PHF14: variants seen among roughly 807,000 people sequenced by gnomAD.
PHF14 encodes the protein PHD finger protein 14.
PHF14 carries 55 observed loss-of-function variants against 117.9 expected under a neutral mutation model. The observed-to-expected ratio is 0.47, with a 90% CI of 0.38 to 0.58. PHF14 has a LOEUF of 0.58. Ranked by LOEUF, PHF14 falls within the 20% of genes least tolerant of loss-of-function variation. The probability of loss-of-function intolerance (pLI) is 0.00; values close to 1 mark genes in which losing one functional copy is unlikely to be tolerated. For missense variants in PHF14, 978 were observed against 1,122.2 expected (o/e 0.87, Z 1.84); for synonymous variants, 409 against 368.6 (o/e 1.11, Z -1.26).
In PHF14 at chr7:11,022,921, T is replaced by C. The variant is rs768210462; in HGVS notation, c.1259T>C (p.Ile420Thr). 3.1e-6 allele frequency: 5 copies of C among 1,611,628 alleles called. No homozygotes were observed. The highest frequency in any genetic ancestry group is 3.4e-6 in the Non-Finnish European group (4 of 1,178,394). ...LYVPGVAFGDIDKLRPVTLTE... is the reference protein window; with the variant it reads ...LYVPGVAFGDTDKLRPVTLTE... Reference sequence around the variant, plus strand: ...GTTCCTGGAGTAGCCTTTGGAGATATTGACAAATTACGACCAGTAACACTA... The same window carrying C: ...GTTCCTGGAGTAGCCTTTGGAGATACTGACAAATTACGACCAGTAACACTA... The change falls in exon 6 of 18, where the codon ATT becomes ACT. Residue 420 changes from isoleucine to threonine, a missense_variant. Coordinates refer to ENST00000634607, the MANE Select transcript of PHF14 (RefSeq NM_001007157.2).
chr7:11,057,659 C>T (rs1370190695), intron 14 of PHF14, among the ~76,000 whole-genome samples: 1 of 152,176 alleles, frequency 6.6e-6, no homozygotes, highest in African/African-American at 2.4e-5. Flanking sequence ...CAGGCCTGAG[C>T]CACTGTTCCC....
chr7:11,151,004 G>C (rs1037331232), intron 17 of PHF14, among the ~76,000 whole-genome samples: 1 of 151,948 alleles, frequency 6.6e-6, no homozygotes, highest in Non-Finnish European at 1.5e-5. Context: ...GTCTTAATGG[G>C]TTTTCTGTTT....
intron 16 of PHF14, among the ~76,000 whole-genome samples, chr7:11,093,946 A>C (rs1786746331): frequency 6.6e-6 from 1 of 151,524 alleles, no homozygotes; most frequent in South Asian, 2.1e-4. Flanking sequence ...TTTTCCTCTT[A>C]TGTTTTTTTC....
In PHF14 at chr7:11,043,998, A is replaced by C. The variant is rs1271454891; in HGVS notation, c.2312+1184A>C. Reference sequence around the variant, plus strand: ...TGAGAGTTTCTGCAGCTAAAAAAAAACACACACAAAAAAAGGGAAATCATG... The same window carrying C: ...TGAGAGTTTCTGCAGCTAAAAAAAACCACACACAAAAAAAGGGAAATCATG... On this transcript the variant is annotated intron_variant, in intron 13 of 17. Coordinates refer to ENST00000634607, the MANE Select transcript of PHF14 (RefSeq NM_001007157.2). 5.3e-5 allele frequency among the ~76,000 whole-genome samples: 8 copies of C among 152,032 alleles called. No homozygotes were observed. In the South Asian group the frequency reaches 1.5e-3, roughly 28 times the overall value.
chr7:11,121,722 A>C (rs1391483957), intron 17 of PHF14, among the ~76,000 whole-genome samples: 2 of 152,152 alleles, frequency 1.3e-5, no homozygotes, highest in Non-Finnish European at 2.9e-5. Flanking sequence ...CAGGTAGCAC[A>C]TACAGTATGG....
At chr7:10,975,773 G>C (rs77287875) in intron 2 of PHF14, among the ~76,000 whole-genome samples, 5 of 152,090 alleles carry the variant, frequency 3.3e-5, no homozygotes, top group African/African-American at 1.2e-4. Flanking sequence ...AAAATGAGAA[G>C]TAAAAGCCTT....
intron 3 of PHF14, among the ~76,000 whole-genome samples, chr7:10,988,016 C>CCAAAAAAAA (rs1554299508): frequency 2.6e-5 from 3 of 115,638 alleles, no homozygotes; most frequent in African/African-American, 6.3e-5. Flanking sequence ...AACTCCTTCT[C>CCAAAAAAAA]AAAAAAAAAA....
intron 16 of PHF14, among the ~76,000 whole-genome samples, chr7:11,068,043 C>G (rs1029021359): frequency 6.6e-6 from 1 of 152,004 alleles, no homozygotes; most frequent in African/African-American, 2.4e-5. Flanking sequence ...GAATATTATC[C>G]AGCCTTAAAA....
At position 11,132,302 on chromosome 7, in the gene PHF14, ATT is replaced by A. The variant is rs58675172; in HGVS notation, c.2772+20850_2772+20851del. On this transcript the variant is annotated intron_variant, in intron 17 of 17. Transcript: ENST00000634607. ...GTTTTGTTCTGTCTGTATAATTGAG[ATT>A]TTTTTTTTTTTTTTAGATTCCACAT... 3.2e-3 allele frequency among the ~76,000 whole-genome samples: 461 copies of A among 142,522 alleles called. 1 individual carries two copies. The highest frequency in any genetic ancestry group is 0.019 in the East Asian group (92 of 4,912). 93.5% of individuals were successfully genotyped at this position (142,522 alleles called of 152,430 possible). A position where few individuals can be genotyped will look rare whatever the true frequency, so the allele number is the denominator to read the frequency against.
intron 17 of PHF14, among the ~76,000 whole-genome samples, chr7:11,117,792 G>C (rs937895238): frequency 6.6e-6 from 1 of 151,650 alleles, no homozygotes; most frequent in African/African-American, 2.4e-5. Context: ...TTTATGCATT[G>C]AGAAGATTTA....
At chr7:11,070,776 G>C (rs558819705) in intron 16 of PHF14, among the ~76,000 whole-genome samples, 2 of 152,172 alleles carry the variant, frequency 1.3e-5, no homozygotes, top group Non-Finnish European at 2.9e-5. Flanking sequence ...TCTAATGACC[G>C]TGATAGTCTA....
At chr7:11,144,986 G>A (rs1427877950) in intron 17 of PHF14, among the ~76,000 whole-genome samples, 1 of 152,006 alleles carries the variant, frequency 6.6e-6, no homozygotes, top group African/African-American at 2.4e-5. Context: ...AACGGGAACA[G>A]AGTTTTAGTT....
intron 17 of PHF14, among the ~76,000 whole-genome samples, chr7:11,116,783 A>G (rs1443486405): frequency 1.3e-5 from 2 of 151,960 alleles, no homozygotes; most frequent in Admixed American, 1.3e-4. Context: ...CTACTGTTAT[A>G]CCTAGTTGTT....
Position 10,982,992 on chromosome 7 carries a change from G to T in PHF14, c.733G>T (p.Gly245Trp), listed in dbSNP as rs763363414. The T allele has an allele frequency of 6.3e-7, 1 of 1,583,840 alleles. No individual in the cohort carries two copies. Among genetic ancestry groups the T allele is most frequent in the South Asian group, 1.1e-5 (1 of 87,830 alleles). The stretch of plus-strand genomic sequence containing the variant: ...TGAGGATGATGAAGATGAGGGAAGC[G>T]GGAGTGATGAAGACGAGAATGATGA... ...DNEDDEDEGS[G>W]SDEDENDEGN... Residue 245 changes from glycine to tryptophan, a missense_variant, in exon 3 of 18, where the codon GGG becomes TGG. Physicochemically the swap from Gly to Trp is radical, Grantham distance 184. This residue lies in a region of PHF14 where 414 missense variants were observed against 376.4 expected (regional missense o/e 1.10). Transcript: ENST00000634607.
At chr7:10,996,424 G>A (rs1242103913) in intron 4 of PHF14, among the ~76,000 whole-genome samples, 1 of 152,084 alleles carries the variant, frequency 6.6e-6, no homozygotes, top group Non-Finnish European at 1.5e-5. Flanking sequence ...AGAGGAGATG[G>A]GGAACACATG....
intron 17 of PHF14, among the ~76,000 whole-genome samples, chr7:11,166,508 C>T (rs573364054): frequency 4.6e-5 from 7 of 152,036 alleles, no homozygotes; most frequent in East Asian, 1.9e-4. Context: ...TCTGGAACTG[C>T]GTATAAATTC....
At chr7:11,116,538 A>G (rs1787607842) in intron 17 of PHF14, among the ~76,000 whole-genome samples, 3 of 151,970 alleles carry the variant, frequency 2.0e-5, no homozygotes, top group Non-Finnish European at 1.5e-5. Context: ...TCTGACAGAA[A>G]ACTGGCTCCC....
At chr7:11,021,140 T>C (rs1436850009) in intron 5 of PHF14, among the ~76,000 whole-genome samples, 1 of 152,234 alleles carries the variant, frequency 6.6e-6, no homozygotes, top group Non-Finnish European at 1.5e-5. Flanking sequence ...TATTAAAATA[T>C]ATGAATTTAC....
chr7:11,107,420 A>G (rs1026126426), intron 16 of PHF14: 29 of 832,208 alleles, frequency 3.5e-5, no homozygotes, highest in Non-Finnish European at 3.9e-5. Context: ...TGTTATTTAC[A>G]TCTATATCTG....
Sources: allele counts gnomAD v4.1 joint callset (sites outside exome capture counted in the v4.1 genomes callset), GRCh38; gene constraint gnomAD v4.1.1; regional missense constraint gnomAD v4.1.1; transcripts MANE v1.5; gene names NCBI Gene and HGNC (gene_info 2026-07-23, HGNC 2026-07-21).